Variants in ANKRD11 observed in about 807,000 individuals in gnomAD.
ANKRD11 encodes the protein ankyrin repeat domain-containing protein 11.
Under a neutral mutation model 195.7 loss-of-function variants are expected in ANKRD11, and 17 were observed. The observed-to-expected ratio is 0.09, with a 90% CI of 0.06 to 0.13. ANKRD11 has a LOEUF of 0.13. Ranked by LOEUF, ANKRD11 falls within the 10% of genes least tolerant of loss-of-function variation. The probability of loss-of-function intolerance (pLI) is 1.00; values close to 1 mark genes in which losing one functional copy is unlikely to be tolerated. For missense variants in ANKRD11, 3,735 were observed against 3,566.1 expected, an observed-to-expected ratio of 1.05 and a Z score of -1.21; for synonymous variants, 1,953 against 1,528.1, an observed-to-expected ratio of 1.28 and a Z score of -6.49.
At chr16:89,461,188 C>T (rs1261896197) in intron 1 of ANKRD11, among the ~76,000 whole-genome samples, 1 of 137,254 alleles carries the variant, frequency 7.3e-6, no homozygotes, top group African/African-American at 2.8e-5. Flanking sequence ...TGACCCCCCC[C>T]CCCCCCTTAT....
At chr16:89,385,013 G>A (rs1434041538) in intron 2 of ANKRD11, among the ~76,000 whole-genome samples, 1 of 146,442 alleles carries the variant, frequency 6.8e-6, no homozygotes, top group Non-Finnish European at 1.5e-5. Context: ...AGCCTCCCAA[G>A]TAGCTGGAAC....
At chr16:89,353,360 G>C (rs577687910) in intron 2 of ANKRD11, among the ~76,000 whole-genome samples, 3 of 150,540 alleles carry the variant, frequency 2.0e-5, no homozygotes, top group Admixed American at 6.6e-5. Context: ...AAGAGAGAGA[G>C]AGAGAGAGAG....
rs772605848 is a variant in ANKRD11, at chr16:89,281,988, G to A, written c.4554C>T (p.Ser1518=). ...DSPPRVLKDK[S]RDEGPRLGDA... is the part of the protein sequence containing the mutation. ...CGCCGAGCCTCGGGCCCTCGTCCCT[G>A]GACTTGTCTTTGAGCACGCGGGGCG... The change falls in exon 9 of 13, where the codon TCC becomes TCT. Residue 1518 remains serine (S), a synonymous_variant. Transcript: ENST00000301030. This position sits in a 1 kb window ranked among gnomAD's most constrained non-coding sequence, Gnocchi z 5.5. The A allele has an allele frequency of 3.1e-6, 5 of 1,612,970 alleles. No homozygotes were observed. Among genetic ancestry groups the A allele is most frequent in the South Asian group, 2.2e-5 (2 of 91,080 alleles).
At chr16:89,305,792 G>GCCAC (rs2036176663) in intron 3 of ANKRD11, among the ~76,000 whole-genome samples, 6 of 118,342 alleles carry the variant, frequency 5.1e-5, no homozygotes, top group African/African-American at 1.7e-4. Context: ...GCAGACACGC[G>GCCAC]CCACCTCCCA....
chr16:89,336,909 C>A (rs542466323), intron 2 of ANKRD11, among the ~76,000 whole-genome samples: 2 of 150,038 alleles, frequency 1.3e-5, no homozygotes, highest in East Asian at 3.9e-4. Context: ...GTGGCTCATG[C>A]CTGTAATCCT....
chr16:89,299,181 G>A (rs983911738), intron 4 of ANKRD11: 3 of 157,678 alleles, frequency 1.9e-5, no homozygotes, highest in Non-Finnish European at 4.2e-5. Flanking sequence ...TCGAGGAGAG[G>A]AGGAAGAGTC....
intron 6 of ANKRD11, 155 bp from the exon 7 acceptor site, chr16:89,288,825 GC>G: frequency 9.9e-7 from 1 of 1,005,674 alleles, no homozygotes; most frequent in Non-Finnish European, 1.5e-6. Flanking sequence ...GCAGGTGCTG[GC>G]CCAGAGAACC....
chr16:89,329,865 G>T (rs1180199973), intron 2 of ANKRD11, among the ~76,000 whole-genome samples: 1 of 152,090 alleles, frequency 6.6e-6, no homozygotes, highest in Non-Finnish European at 1.5e-5. Flanking sequence ...AATTAGCCGG[G>T]CATGGTGGTG....
At chr16:89,466,934 C>G (rs900668667) in intron 1 of ANKRD11, among the ~76,000 whole-genome samples, 2 of 152,178 alleles carry the variant, frequency 1.3e-5, no homozygotes, top group African/African-American at 4.8e-5. Context: ...TAATAATCAT[C>G]TGGTCTTCCT....
chr16:89,432,386 G>C (rs1041796023), intron 1 of ANKRD11, among the ~76,000 whole-genome samples: 1 of 151,928 alleles, frequency 6.6e-6, no homozygotes, highest in Non-Finnish European at 1.5e-5. Context: ...AGGACCCATC[G>C]CCGTGGCAGC....
chr16:89,377,277 G>T (rs947005222), intron 2 of ANKRD11, among the ~76,000 whole-genome samples: 1 of 152,180 alleles, frequency 6.6e-6, no homozygotes, highest in Non-Finnish European at 1.5e-5. Context: ...GGGAGAGAGA[G>T]AGAGAGAGCA....
intron 1 of ANKRD11, among the ~76,000 whole-genome samples, chr16:89,480,656 G>A (rs1240287949): frequency 1.3e-5 from 2 of 152,092 alleles, no homozygotes; most frequent in South Asian, 2.1e-4. Flanking sequence ...CCTTCTAGCA[G>A]CAGGCTTCAA....
intron 1 of ANKRD11, among the ~76,000 whole-genome samples, chr16:89,440,377 G>A (rs576663007): frequency 2.6e-5 from 4 of 152,190 alleles, no homozygotes; most frequent in Non-Finnish European, 4.4e-5. Context: ...GAAGGCTGAG[G>A]GGGGAGGATC....
At chr16:89,429,775 C>G (rs1483518069) in intron 1 of ANKRD11, among the ~76,000 whole-genome samples, 1 of 62,640 alleles carries the variant, frequency 1.6e-5, no homozygotes, top group Non-Finnish European at 3.3e-5. Flanking sequence ...TCAACTCTCA[C>G]GCTCAGTCGT....
Position 89,280,196 on chromosome 16 carries a change from C to G in ANKRD11, c.6346G>C (p.Glu2116Gln). The change falls in exon 9 of 13, where the codon GAG (glutamate) becomes CAG (glutamine). Residue 2116 changes from glutamate to glutamine, a missense_variant. Glu to Gln is a conservative substitution (Grantham distance 29, BLOSUM62 2). Transcript: ENST00000301030. ...SRGLSHLGQVEPVPWADAFAG... is the reference protein window; with the variant it reads ...SRGLSHLGQVQPVPWADAFAG... ...AAGGCGTCCGCCCAGGGCACCGGCT[C>G]CACCTGGCCGAGGTGAGACAGGCCG... 6.2e-7 allele frequency: 1 copy of G among 1,608,598 alleles called. No individual in the cohort carries two copies. Among genetic ancestry groups the G allele is most frequent in the Non-Finnish European group, 8.5e-7 (1 of 1,179,128 alleles).
chr16:89,470,298 T>G (rs553291231), intron 1 of ANKRD11, among the ~76,000 whole-genome samples: 1 of 152,230 alleles, frequency 6.6e-6, no homozygotes, highest in Admixed American at 6.5e-5. Flanking sequence ...TCACTAAGAT[T>G]CAAACCCTTT....
At chr16:89,420,939 A>G (rs1225189615) in intron 1 of ANKRD11, among the ~76,000 whole-genome samples, 1 of 152,256 alleles carries the variant, frequency 6.6e-6, no homozygotes, top group Non-Finnish European at 1.5e-5. Flanking sequence ...TATGTTGTCA[A>G]ACAGAAAAGC....
intron 1 of ANKRD11, among the ~76,000 whole-genome samples, chr16:89,444,494 G>A (rs1049458822): frequency 6.6e-6 from 1 of 152,098 alleles, no homozygotes; most frequent in South Asian, 2.1e-4. Flanking sequence ...GTTGTGTAGG[G>A]TTTGCCATCA....
Position 89,281,700 on chromosome 16 carries a change from C to G in ANKRD11, c.4842G>C (p.Arg1614=), listed in dbSNP as rs756978193. The G allele has an allele frequency of 1.2e-6, 2 of 1,614,156 alleles. No individual in the cohort carries two copies. Among genetic ancestry groups the G allele is most frequent in the South Asian group, 2.2e-5 (2 of 91,076 alleles). The change falls in exon 9 of 13, where the codon CGG becomes CGC. Residue 1614 remains arginine (R), a synonymous_variant. Transcript: ENST00000301030. This position sits in a 1 kb window ranked among gnomAD's most constrained non-coding sequence, Gnocchi z 5.5. The part of the protein sequence containing the change: ...RMKQMEKLRH[R]SGDPKLKEKA... ...TCTCCTTGAGCTTGGGGTCTCCGGACCGGTGCCTCAGCTTCTCCATTTGCT... is the reference window on the plus strand; with the variant it reads ...TCTCCTTGAGCTTGGGGTCTCCGGAGCGGTGCCTCAGCTTCTCCATTTGCT...
Sources: gnomAD v4.1 joint callset for allele counts (sites outside exome capture counted in the v4.1 genomes callset) on GRCh38, gnomAD v4.1.1 for gene constraint, Gnocchi (gnomAD v3.1) non-coding constraint, MANE v1.5 for transcripts, NCBI Gene and HGNC (gene_info 2026-07-23, HGNC 2026-07-21) for gene names.